CCDC171: variants seen among roughly 807,000 people sequenced by gnomAD.
CCDC171 encodes the protein coiled-coil domain containing 171.
Under a neutral mutation model 168.2 loss-of-function variants are expected in CCDC171, and 177 were observed. That is an observed-to-expected ratio of 1.05 (90% CI 0.93 to 1.19). CCDC171 has a LOEUF of 1.19. Among genes scored for constraint, CCDC171 ranks in the 50% most tolerant of loss-of-function variants. CCDC171 has a pLI of 0.00. For synonymous variants in CCDC171, 687 were observed against 540.8 expected (o/e 1.27, Z -3.75); for missense variants, 1,991 against 1,539.0 (o/e 1.29, Z -4.91).
intron 7 of CCDC171, among the ~76,000 whole-genome samples, chr9:15,656,510 A>T (rs1359657296): frequency 1.3e-5 from 2 of 152,236 alleles, no homozygotes; most frequent in Admixed American, 1.3e-4. Context: ...TGAACAGATA[A>T]ACCAATTGTG....
chr9:15,575,443 G>C (rs1282804497), intron 3 of CCDC171, among the ~76,000 whole-genome samples: 1 of 152,022 alleles, frequency 6.6e-6, no homozygotes, highest in Non-Finnish European at 1.5e-5. Flanking sequence ...CAAAGTGCTG[G>C]GACAACAGGT....
At chr9:15,860,935 G>GGTGTGTGTGTGTGT (rs1259018674) in intron 23 of CCDC171, among the ~76,000 whole-genome samples, 1 of 34,356 alleles carries the variant, frequency 2.9e-5, no homozygotes, top group Non-Finnish European at 5.4e-5. Context: ...TGTTGTTAGG[G>GGTGTGTGTGTGTGT]ATGTGTGTGT....
intron 18 of CCDC171, among the ~76,000 whole-genome samples, chr9:15,764,096 G>A (rs1485251709): frequency 2.6e-5 from 4 of 152,144 alleles, no homozygotes; most frequent in Admixed American, 6.5e-5. Flanking sequence ...TTTAGGAATG[G>A]CAAGGAGGCC....
At chr9:15,560,498 CCTT>C (rs1203418587) in intron 1 of CCDC171, among the ~76,000 whole-genome samples, 2 of 152,108 alleles carry the variant, frequency 1.3e-5, no homozygotes, top group African/African-American at 2.4e-5. Flanking sequence ...CAATGATACT[CCTT>C]CTTCCACTTG....
At chr9:15,661,255 G>A (rs925378175) in intron 8 of CCDC171, among the ~76,000 whole-genome samples, 3 of 147,706 alleles carry the variant, frequency 2.0e-5, no homozygotes, top group African/African-American at 7.6e-5. Context: ...AATCCAGCCT[G>A]GGCGACAGAG....
Position 15,971,633 on chromosome 9 carries a change from C to T in CCDC171, c.3778C>T (p.Leu1260Phe). The change falls in exon 26 of 26, where the codon CTC becomes TTC. Residue 1260 changes from leucine (L) to phenylalanine (F), a missense_variant. Physicochemically the swap from Leu to Phe is conservative, Grantham distance 22. Coordinates refer to ENST00000380701, the MANE Select transcript of CCDC171 (RefSeq NM_173550.4). ...GATAGGATCACGAGACCATTCAAAT[C>T]TCTCCATTCCTTCAAGAGCTCCTCT... ...QSIGSRDHSN[L>F]SIPSRAPLPA... 6.2e-7 allele frequency: 1 copy of T among 1,613,116 alleles called. No homozygotes were observed. Among genetic ancestry groups the T allele is most frequent in the Non-Finnish European group, 8.5e-7 (1 of 1,179,518 alleles).
chr9:15,570,472 C>G lies in CCDC171; in HGVS notation c.42-1152C>G, dbSNP rs370599892. On this transcript the variant is annotated intron_variant, in intron 2 of 25. Transcript: ENST00000380701. The stretch of plus-strand genomic sequence containing the variant: ...TTTCTATGCACCATATTTTTGGTCT[C>G]TGCTTATCATATTAGATGCTTATTA... Among the ~76,000 whole-genome samples, 5 of 151,940 alleles carry G rather than the reference C, an allele frequency of 3.3e-5. No homozygotes were observed. In the East Asian group the frequency reaches 7.7e-4, roughly 23 times the overall value.
At chr9:15,887,584 G>T (rs1819604399) in intron 24 of CCDC171, among the ~76,000 whole-genome samples, 1 of 152,088 alleles carries the variant, frequency 6.6e-6, no homozygotes. Flanking sequence ...TGGAGGTCCT[G>T]TTGAGAGAAC....
intron 23 of CCDC171, among the ~76,000 whole-genome samples, chr9:15,857,743 G>A (rs1367057611): frequency 6.6e-6 from 1 of 151,596 alleles, no homozygotes; most frequent in African/African-American, 2.4e-5. Flanking sequence ...TCTTTAGCAA[G>A]TGATATCTGG....
At chr9:16,060,812 T>C (rs545784726) in exon 2 of CCDC171, 1 of 152,352 alleles carries the variant, frequency 6.6e-6, no homozygotes, top group African/African-American at 2.4e-5. Context: ...CACAAATGAA[T>C]ATGAATTAAT....
At chr9:15,700,547 G>A (rs2051643741) in intron 11 of CCDC171, among the ~76,000 whole-genome samples, 1 of 152,276 alleles carries the variant, frequency 6.6e-6, no homozygotes, top group African/African-American at 2.4e-5. Context: ...AGCCCAGGCA[G>A]AGGAGGCGCC....
the CCDC171 span, among the ~76,000 whole-genome samples, chr9:16,078,019 AAG>A: frequency 6.6e-6 from 1 of 151,598 alleles, no homozygotes; most frequent in Non-Finnish European, 1.5e-5. Context: ...GAAATTTGCC[AAG>A]AGAGTAGATC....
At chr9:15,692,558 C>T (rs545974428) in intron 10 of CCDC171, among the ~76,000 whole-genome samples, 3 of 149,174 alleles carry the variant, frequency 2.0e-5, no homozygotes, top group Admixed American at 6.6e-5. Flanking sequence ...GACAGAGTCT[C>T]ACTCTTTTTC....
chr9:15,656,171 T>C (rs1285846044), intron 7 of CCDC171, among the ~76,000 whole-genome samples: 2 of 151,938 alleles, frequency 1.3e-5, no homozygotes, highest in Non-Finnish European at 2.9e-5. Flanking sequence ...TATAAAAAAT[T>C]AGCTGGGCGT....
intron 16 of CCDC171, among the ~76,000 whole-genome samples, chr9:15,732,725 A>T (rs898806735): frequency 6.6e-6 from 1 of 152,284 alleles, no homozygotes; most frequent in Middle Eastern, 3.4e-3. Flanking sequence ...AGTTTTGGCA[A>T]TTATGAGTAG....
the CCDC171 span, among the ~76,000 whole-genome samples, chr9:16,088,216 C>T: frequency 6.4e-4 from 98 of 152,270 alleles, 1 homozygote; most frequent in Admixed American, 2.0e-3. Context: ...ATTGATGGAA[C>T]GTATCTCAAA....
chr9:15,926,488 T>C (rs935081621), intron 25 of CCDC171, among the ~76,000 whole-genome samples: 1 of 151,590 alleles, frequency 6.6e-6, no homozygotes, highest in African/African-American at 2.4e-5. Flanking sequence ...CTGACCATTT[T>C]GTTTTTGATG....
intron 21 of CCDC171, among the ~76,000 whole-genome samples, chr9:15,810,782 C>T (rs2059318168): frequency 6.6e-6 from 1 of 152,312 alleles, no homozygotes; most frequent in Admixed American, 6.5e-5. Flanking sequence ...GCCTGCGCCT[C>T]TCCCTTGACA....
intron 23 of CCDC171, among the ~76,000 whole-genome samples, chr9:15,859,097 G>C (rs1361856634): frequency 2.0e-5 from 3 of 151,906 alleles, no homozygotes; most frequent in Non-Finnish European, 2.9e-5. Context: ...ATCATGAAAG[G>C]CTATTGAATT....
Sources: allele counts gnomAD v4.1 joint callset (sites outside exome capture counted in the v4.1 genomes callset), GRCh38; gene constraint gnomAD v4.1.1; transcripts MANE v1.5; gene names NCBI Gene and HGNC (gene_info 2026-07-23, HGNC 2026-07-21).